Variants in CCDC38 observed in about 807,000 individuals in gnomAD.
CCDC38 encodes coiled-coil domain containing 38, also known as coiled-coil domain-containing protein 38.
A neutral mutation model predicts 72.8 loss-of-function variants in CCDC38; 69 were observed. The observed-to-expected ratio is 0.95, with a 90% confidence interval of 0.78 to 1.16. The LOEUF is 1.16. CCDC38 is among the 50% of genes most tolerant of loss of function. The probability of loss-of-function intolerance (pLI) is 0.00; values close to 1 mark genes in which losing one functional copy is unlikely to be tolerated. For synonymous variants in CCDC38, 201 were observed against 213.2 expected (o/e 0.94, Z 0.50); for missense variants, 626 against 638.9 (o/e 0.98, Z 0.22).
intron 10 of CCDC38, among the ~76,000 whole-genome samples, chr12:95,883,273 G>C (rs187481421): frequency 6.6e-5 from 10 of 152,242 alleles, no homozygotes; most frequent in Non-Finnish European, 1.5e-4. Flanking sequence ...GTGCAAATAG[G>C]ATTGGGTCTC....
At chr12:95,902,065 G>A (rs1474399117) in intron 5 of CCDC38, among the ~76,000 whole-genome samples, 1 of 152,106 alleles carries the variant, frequency 6.6e-6, no homozygotes, top group African/African-American at 2.4e-5. Flanking sequence ...ATCTAAAGAG[G>A]GTTTTTGGGG....
chr12:95,896,031 G>A (rs1345344992), intron 7 of CCDC38, among the ~76,000 whole-genome samples: 5 of 148,230 alleles, frequency 3.4e-5, no homozygotes, highest in Admixed American at 6.7e-5. Flanking sequence ...ACTCCAGCCT[G>A]GGCGACAGAA....
At position 95,879,827 on chromosome 12, in the gene CCDC38, C is replaced by A; in HGVS notation, c.991-32G>T. The A allele has an allele frequency of 6.6e-7, 1 of 1,521,110 alleles. No individual in the cohort carries two copies. The highest frequency in any genetic ancestry group is 1.2e-5 in the South Asian group (1 of 81,108). 94.2% of individuals were successfully genotyped at this position (1,521,110 alleles called of 1,614,324 possible). A position where few individuals can be genotyped will look rare whatever the true frequency, so the allele number is the denominator to read the frequency against. On this transcript the variant is annotated intron_variant, in intron 11 of 15. Coordinates refer to ENST00000344280, the MANE Select transcript of CCDC38 (RefSeq NM_182496.3). This position sits in a 1 kb window ranked among gnomAD's most constrained non-coding sequence, Gnocchi z 5.5. ...AATCAATAATGAAGAATATAATTTA[C>A]TTAAAAATATGCTACCTATGCACAT...
chr12:95,896,957 C>G lies in CCDC38; in HGVS notation c.614+1428G>C, dbSNP rs531832965. On this transcript the variant is annotated intron_variant, in intron 7 of 15. Transcript: ENST00000344280. ...CTGCTACTCTAGCTCTAGAAATAAT[C>G]TATAAATGGATAGAAACTTCTAATT... is the stretch of plus-strand genomic sequence containing the variant. Among the ~76,000 whole-genome samples the G allele has an allele frequency of 3.9e-5, 6 of 152,326 alleles. No homozygotes were observed. The East Asian group carries it at 1.2e-3, about 29-fold the overall frequency.
chr12:95,878,295 G>A lies in CCDC38; in HGVS notation c.1194C>T (p.Asn398=). ...LLEQEKMLKA[N]CVREEEKAAE... Reference sequence around the variant, plus strand: ...CTGCTTTCTCTTCTTCTCTCACACAGTTAGCTTTAAGCATTTTTTCTTGCT... The same window carrying A: ...CTGCTTTCTCTTCTTCTCTCACACAATTAGCTTTAAGCATTTTTTCTTGCT... Residue 398 remains asparagine, a synonymous_variant, in exon 13 of 16, where the codon AAC becomes AAT. Coordinates refer to ENST00000344280, the MANE Select transcript of CCDC38 (RefSeq NM_182496.3). 6.2e-7 allele frequency: 1 copy of A among 1,613,472 alleles called. No homozygotes were observed. Among genetic ancestry groups the A allele is most frequent in the Non-Finnish European group, 8.5e-7 (1 of 1,179,736 alleles).
In CCDC38 at chr12:95,875,430, A is replaced by G. The variant is rs909146452; in HGVS notation, c.1278+2781T>C. ...GGGCAAAATTTTTAGGGGATTAAGT[A>G]TCATTAAGAGTGGAAGTTTTGAAAG... On this transcript the variant is annotated intron_variant, in intron 13 of 15. Transcript: ENST00000344280. Among the ~76,000 whole-genome samples the G allele has an allele frequency of 6.4e-4, 23 of 36,132 alleles. No homozygotes were observed. In the African/African-American group the frequency reaches 8.1e-3, roughly 13 times the overall value. The allele number at this position is 36,132 out of a possible 152,430, so 23.7% of individuals were successfully genotyped here. A position where few individuals can be genotyped will look rare whatever the true frequency, so the allele number is the denominator to read the frequency against.
chr12:95,885,515 A>C, intron 10 of CCDC38: 1 of 177,150 alleles, frequency 5.6e-6, no homozygotes, highest in Middle Eastern at 2.1e-3. Flanking sequence ...GGGATCAAGA[A>C]AATTATGTTC....
At chr12:95,938,124 T>C (rs1179548430) in intron 1 of CCDC38, among the ~76,000 whole-genome samples, 1 of 152,172 alleles carries the variant, frequency 6.6e-6, no homozygotes, top group Non-Finnish European at 1.5e-5. Flanking sequence ...AAAAATTATG[T>C]CAAAGCTTAT....
chr12:95,927,786 C>T (rs1281912970), intron 2 of CCDC38, among the ~76,000 whole-genome samples: 2 of 150,442 alleles, frequency 1.3e-5, no homozygotes, highest in South Asian at 2.1e-4. Context: ...TTTATTTCTC[C>T]TTCACTTACG....
intron 1 of CCDC38, among the ~76,000 whole-genome samples, chr12:95,940,894 A>AC (rs1056396353): frequency 8.5e-4 from 106 of 124,112 alleles, no homozygotes; most frequent in African/African-American, 2.6e-3. Context: ...AAACAAACAA[A>AC]AAAAAAAACT....
intron 4 of CCDC38, among the ~76,000 whole-genome samples, chr12:95,911,199 A>G (rs1007387424): frequency 1.3e-5 from 2 of 152,194 alleles, no homozygotes; most frequent in Non-Finnish European, 2.9e-5. Flanking sequence ...AGAAGAATGA[A>G]ACTAGATCCC....
intron 4 of CCDC38, among the ~76,000 whole-genome samples, chr12:95,910,092 G>A (rs980053084): frequency 6.6e-6 from 1 of 152,134 alleles, no homozygotes; most frequent in African/African-American, 2.4e-5. Context: ...ATCCAAATAG[G>A]AAAAGAGGAA....
chr12:95,905,692 T>G (rs1205366797), intron 5 of CCDC38, among the ~76,000 whole-genome samples: 2 of 152,254 alleles, frequency 1.3e-5, no homozygotes, highest in African/African-American at 4.8e-5. Flanking sequence ...TATTAGATAC[T>G]TGACAATAAA....
intron 1 of CCDC38, among the ~76,000 whole-genome samples, chr12:95,938,900 C>T (rs1306896067): frequency 1.3e-5 from 2 of 152,152 alleles, no homozygotes. Flanking sequence ...CTTAAATACA[C>T]GTTCACATCC....
chr12:95,907,797 C>T (rs1297266718), intron 4 of CCDC38, among the ~76,000 whole-genome samples: 6 of 151,316 alleles, frequency 4.0e-5, no homozygotes, highest in Admixed American at 1.3e-4. Context: ...CCTCACATCC[C>T]GGACGGGGCG....
At chr12:95,913,529 G>A (rs1202412771) in intron 4 of CCDC38, among the ~76,000 whole-genome samples, 1 of 152,152 alleles carries the variant, frequency 6.6e-6, no homozygotes, top group African/African-American at 2.4e-5. Context: ...CCAGAGAAAA[G>A]CACCCACATT....
chr12:95,868,321 G>A (rs1481268778), intron 15 of CCDC38, among the ~76,000 whole-genome samples: 1 of 152,086 alleles, frequency 6.6e-6, no homozygotes, highest in East Asian at 1.9e-4. Flanking sequence ...TGGTCTAGAA[G>A]GAAAGGTGAA....
intron 4 of CCDC38, among the ~76,000 whole-genome samples, chr12:95,906,961 G>A (rs2080010870): frequency 6.6e-6 from 1 of 151,114 alleles, no homozygotes; most frequent in Non-Finnish European, 1.5e-5. Flanking sequence ...CTAGGCAGAG[G>A]ACCCTGCGGC....
intron 4 of CCDC38, among the ~76,000 whole-genome samples, chr12:95,915,883 C>T (rs941009024): frequency 6.6e-6 from 1 of 152,282 alleles, no homozygotes; most frequent in East Asian, 1.9e-4. Context: ...CAAAATTCAT[C>T]CAAGACACCT....
Sources: gnomAD v4.1 joint callset for allele counts (sites outside exome capture counted in the v4.1 genomes callset) on GRCh38, gnomAD v4.1.1 for gene constraint, Gnocchi (gnomAD v3.1) non-coding constraint, MANE v1.5 for transcripts, NCBI Gene and HGNC (gene_info 2026-07-23, HGNC 2026-07-21) for gene names.